ZNF471: variants seen among roughly 807,000 people sequenced by gnomAD.
The protein encoded by ZNF471 is EZFIT-related protein 1.
ZNF471 carries 7 observed loss-of-function variants against 13.7 expected under a neutral mutation model. That is an observed-to-expected ratio of 0.51 (90% CI 0.29 to 0.96). ZNF471 has a LOEUF of 0.96. Ranked by LOEUF, ZNF471 falls within the 40% of genes least tolerant of loss-of-function variation. ZNF471 has a pLI of 0.08. For synonymous variants in ZNF471, 218 were observed against 235.6 expected (o/e 0.93, Z 0.68); for missense variants, 663 against 743.3 (o/e 0.89, Z 1.26).
Position 56,525,943 on chromosome 19 carries a change from C to T in ZNF471, c.1876C>T (p.Pro626Ser), listed in dbSNP as rs757432674. ...CHQRSHTGEEP is the reference protein window; with the variant it reads ...CHQRSHTGEES Reference sequence around the variant, plus strand: ...TCAAAGAAGTCATACTGGAGAAGAACCTTAAGAATGTAGTGCATGTGGCCA... The same window carrying T: ...TCAAAGAAGTCATACTGGAGAAGAATCTTAAGAATGTAGTGCATGTGGCCA... Residue 626 changes from proline (P) to serine (S), a missense_variant, in exon 5 of 5, where the codon CCT (proline) becomes TCT (serine). Coordinates refer to ENST00000308031, the MANE Select transcript of ZNF471 (RefSeq NM_020813.4). The T allele has an allele frequency of 9.7e-6, 15 of 1,552,522 alleles. 2 individuals carry two copies. In the South Asian group the frequency reaches 1.8e-4, roughly 18 times the overall value.
In ZNF471 at chr19:56,510,573, G is replaced by A. The variant is rs1020203541; in HGVS notation, c.-55-944G>A. On this transcript the variant is annotated intron_variant, in intron 1 of 4. Transcript: ENST00000308031. The surrounding 1 kb of genome is among the most constrained non-coding windows in gnomAD (Gnocchi z 4.3). ...CTTATATTCATGTCCTCAGGCAATG[G>A]AAATGTGACTGTGTATATGTGCTTG... is the stretch of plus-strand genomic sequence containing the variant. The A allele has an allele frequency of 1.0e-6, 1 of 985,528 alleles. No individual in the cohort carries two copies. The allele number at this position is 985,528 out of a possible 1,614,324, so 61.0% of individuals were successfully genotyped here.
intron 1 of ZNF471, among the ~76,000 whole-genome samples, chr19:56,509,225 A>G (rs1314014386): frequency 6.6e-6 from 1 of 152,200 alleles, no homozygotes; most frequent in African/African-American, 2.4e-5. Context: ...TAAACTGATC[A>G]TCAGTGGTCA....
Position 56,510,606 on chromosome 19 carries a change from G to A in ZNF471, c.-55-911G>A. Reference sequence around the variant, plus strand: ...ACTGTGTATATGTGCTTGTTTTGGGGTGCTTGTGATTGTGTCCTCCGTGTG... The same window carrying A: ...ACTGTGTATATGTGCTTGTTTTGGGATGCTTGTGATTGTGTCCTCCGTGTG... On this transcript the variant is annotated intron_variant, in intron 1 of 4. Coordinates refer to ENST00000308031, the MANE Select transcript of ZNF471 (RefSeq NM_020813.4). This position sits in a 1 kb window ranked among gnomAD's most constrained non-coding sequence, Gnocchi z 4.3. The A allele has an allele frequency of 2.0e-6, 2 of 985,710 alleles. No individual in the cohort carries two copies. The highest frequency in any genetic ancestry group is 1.7e-5 in the African/African-American group (1 of 57,360). 61.1% of individuals were successfully genotyped at this position (985,710 alleles called of 1,614,324 possible).
Position 56,525,749 on chromosome 19 carries a change from A to G in ZNF471, c.1682A>G (p.His561Arg), listed in dbSNP as rs748132041. Residue 561 changes from histidine (H) to arginine (R), a missense_variant, in exon 5 of 5, where the codon CAT (histidine) becomes CGT (arginine). Physicochemically the swap from His to Arg is conservative, Grantham distance 29 (BLOSUM62 0). Transcript: ENST00000308031. ...AFSQTSNLTQ[H>R]QRIHTGEKPY... Reference sequence around the variant, plus strand: ...AGCCAAACTTCCAATCTTACTCAACATCAAAGAATTCATACTGGAGAGAAA... The same window carrying G: ...AGCCAAACTTCCAATCTTACTCAACGTCAAAGAATTCATACTGGAGAGAAA... The G allele has an allele frequency of 3.7e-6, 6 of 1,613,776 alleles. No individual in the cohort carries two copies. In the East Asian group the frequency reaches 8.9e-5, roughly 24 times the overall value.
At chr19:56,511,489 T>A in intron 1 of ZNF471, 28 bp from the exon 2 acceptor site, 1 of 1,561,582 alleles carries the variant, frequency 6.4e-7, no homozygotes, top group Non-Finnish European at 8.8e-7. Flanking sequence ...TCTGGCCTCA[T>A]CTCTCTCTAA....
At position 56,508,331 on chromosome 19, in the gene ZNF471, G is replaced by C. The variant is rs911611232; in HGVS notation, c.-56+411G>C. ...AGACGGGCCAGTGTGAGAGACCAGT[G>C]AGTGTGAGAGAGATAGGGATGTGCC... is the stretch of plus-strand genomic sequence containing the variant. On this transcript the variant is annotated intron_variant, in intron 1 of 4. Transcript: ENST00000308031. The surrounding 1 kb of genome is among the most constrained non-coding windows in gnomAD (Gnocchi z 4.7). 6.6e-6 allele frequency among the ~76,000 whole-genome samples: 1 copy of C among 152,046 alleles called. No homozygotes were observed. The highest frequency in any genetic ancestry group is 1.5e-5 in the Non-Finnish European group (1 of 67,982).
Position 56,525,119 on chromosome 19 carries a change from G to C in ZNF471, c.1052G>C (p.Cys351Ser), listed in dbSNP as rs148793942. 1.3e-3 allele frequency: 2,161 copies of C among 1,614,132 alleles called. 5 individuals are homozygous for C. The highest frequency in any genetic ancestry group is 1.7e-3 in the Non-Finnish European group (2,008 of 1,180,014). ...TGKRPYECIE[C>S]GKAFRYNTSF... Reference sequence around the variant, plus strand: ...AAAAGACCCTATGAATGTATTGAGTGTGGGAAGGCTTTTAGGTATAACACA... The same window carrying C: ...AAAAGACCCTATGAATGTATTGAGTCTGGGAAGGCTTTTAGGTATAACACA... Residue 351 changes from cysteine to serine, a missense_variant, in exon 5 of 5, where the codon TGT (cysteine) becomes TCT (serine). Transcript: ENST00000308031.
At position 56,511,537 on chromosome 19, in the gene ZNF471, G is replaced by A; in HGVS notation, c.-35G>A. The A allele has an allele frequency of 6.2e-7, 1 of 1,613,790 alleles. No homozygotes were observed. The highest frequency in any genetic ancestry group is 1.1e-5 in the South Asian group (1 of 91,016). ...TTCAGCCTTGCCCTCCCAAGACACT[G>A]TTCTTCAAGAGAAAGACCAGAAGAG... On this transcript the variant is annotated 5_prime_UTR_variant, in exon 2 of 5. Coordinates refer to ENST00000308031, the MANE Select transcript of ZNF471 (RefSeq NM_020813.4).
chr19:56,518,699 G>GA (rs2043927792), intron 4 of ZNF471, 122 bp downstream of exon 4: 1 of 705,470 alleles, frequency 1.4e-6, no homozygotes, highest in East Asian at 2.9e-5. Context: ...GGCCTGGAGA[G>GA]AAAACTGAAA....
intron 4 of ZNF471, among the ~76,000 whole-genome samples, chr19:56,523,317 A>G (rs908504019): frequency 2.0e-5 from 3 of 151,388 alleles, no homozygotes; most frequent in Admixed American, 2.0e-4. Flanking sequence ...AGCCATGATC[A>G]TGCCACTGCA....
At position 56,510,141 on chromosome 19, in the gene ZNF471, T is replaced by C. The variant is rs907941655; in HGVS notation, c.-55-1376T>C. On this transcript the variant is annotated intron_variant, in intron 1 of 4. Coordinates refer to ENST00000308031, the MANE Select transcript of ZNF471 (RefSeq NM_020813.4). This position sits in a 1 kb window ranked among gnomAD's most constrained non-coding sequence, Gnocchi z 4.3. ...AGGGTGTATCACAGTATGAAAAAGA[T>C]TGGAGTGAGAGTGACCAGTATGTAT... The C allele has an allele frequency of 2.0e-6, 2 of 985,414 alleles. No individual in the cohort carries two copies. The highest frequency in any genetic ancestry group is 1.7e-5 in the African/African-American group (1 of 57,292). The allele number at this position is 985,414 out of a possible 1,614,324, so 61.0% of individuals were successfully genotyped here.
In ZNF471 at chr19:56,522,596, T is replaced by C. The variant is rs1382709759; in HGVS notation, c.257-1728T>C. 6.6e-6 allele frequency among the ~76,000 whole-genome samples: 1 copy of C among 152,250 alleles called. No homozygotes were observed. The highest frequency in any genetic ancestry group is 2.4e-5 in the African/African-American group (1 of 41,468). On this transcript the variant is annotated intron_variant, in intron 4 of 4. Transcript: ENST00000308031. This position sits in a 1 kb window ranked among gnomAD's most constrained non-coding sequence, Gnocchi z 4.1. ...AGGAAAGCCCTTCCTTTGCCTTTTC[T>C]TGAAACCACCTTTTCCCTCAGGTTT...
rs1338028345 is a variant in ZNF471 at position 56,525,437 on chromosome 19, A to C, written c.1370A>C (p.Lys457Thr). ...CATCAAAGAGTACATTCTGGAGAGA[A>C]ACCGTATGAATGCAAGGAATGTGGG... ...TQHQRVHSGEKPYECKECGKA... is the reference protein window; with the variant it reads ...TQHQRVHSGETPYECKECGKA... Residue 457 changes from lysine (K) to threonine (T), a missense_variant, in exon 5 of 5, where the codon AAA (lysine) becomes ACA (threonine). By Grantham distance (78) the Lys-to-Thr change is moderately conservative. Coordinates refer to ENST00000308031, the MANE Select transcript of ZNF471 (RefSeq NM_020813.4). The C allele has an allele frequency of 3.1e-6, 5 of 1,614,044 alleles. No individual in the cohort carries two copies. The highest frequency in any genetic ancestry group is 4.2e-6 in the Non-Finnish European group (5 of 1,180,046).
Position 56,527,358 on chromosome 19 carries a change from A to G in ZNF471, c.*1410A>G, listed in dbSNP as rs1015714669. Reference sequence around the variant, plus strand: ...AAGACCAAAGGTAGATAAATTCACGAAGATGAGGAGAAACCAGTGCAAAAA... The same window carrying G: ...AAGACCAAAGGTAGATAAATTCACGGAGATGAGGAGAAACCAGTGCAAAAA... On this transcript the variant is annotated 3_prime_UTR_variant, in exon 5 of 5. Coordinates refer to ENST00000308031, the MANE Select transcript of ZNF471 (RefSeq NM_020813.4). 13 of 152,222 alleles carry G rather than the reference A, an allele frequency of 8.5e-5. No homozygotes were observed. The highest frequency in any genetic ancestry group is 3.1e-4 in the African/African-American group (13 of 41,446). 9.4% of individuals were successfully genotyped at this position (152,222 alleles called of 1,614,324 possible). A position where few individuals can be genotyped will look rare whatever the true frequency, so the allele number is the denominator to read the frequency against.
In ZNF471 at chr19:56,525,809, G is replaced by C; in HGVS notation, c.1742G>C (p.Ser581Thr). 1 of 1,614,210 alleles carries C rather than the reference G, an allele frequency of 6.2e-7. No individual in the cohort carries two copies. Among genetic ancestry groups the C allele is most frequent in the Middle Eastern group, 1.6e-4 (1 of 6,062 alleles). ...TGTACTGAATGTGGAAAGGCTTTTAGTGATAGCTCATCCTGTGCTCAGCAT... is the reference window on the plus strand; with the variant it reads ...TGTACTGAATGTGGAAAGGCTTTTACTGATAGCTCATCCTGTGCTCAGCAT... ...YKCTECGKAF[S>T]DSSSCAQHQR... Residue 581 changes from serine (S) to threonine (T), a missense_variant, in exon 5 of 5, where the codon AGT (serine) becomes ACT (threonine). Ser to Thr is a moderately conservative substitution (Grantham distance 58). Coordinates refer to ENST00000308031, the MANE Select transcript of ZNF471 (RefSeq NM_020813.4).
chr19:56,518,389 T>C (rs2043923004), intron 3 of ZNF471, 93 bp from the exon 4 acceptor site: 2 of 913,926 alleles, frequency 2.2e-6, no homozygotes, highest in Non-Finnish European at 3.4e-6. Context: ...CTAGTATTCC[T>C]ACTATATCAT....
chr19:56,526,383 TC>T lies in ZNF471; in HGVS notation c.*440del, dbSNP rs35546455. 0.44 allele frequency: 68,618 copies of T among 155,848 alleles called. 15,401 individuals are homozygous for T. The highest frequency in any genetic ancestry group is 0.51 in the Middle Eastern group (155 of 304). 9.7% of individuals were successfully genotyped at this position (155,848 alleles called of 1,614,324 possible). ...TCTTCGCAACCCACAGACCAGGAGATCCCCCTTGGGTGCCTATGCCACCAAG... is the reference window on the plus strand; with the variant it reads ...TCTTCGCAACCCACAGACCAGGAGATCCCCTTGGGTGCCTATGCCACCAAG... On this transcript the variant is annotated 3_prime_UTR_variant, in exon 5 of 5. Coordinates refer to ENST00000308031, the MANE Select transcript of ZNF471 (RefSeq NM_020813.4).
Position 56,508,388 on chromosome 19 carries a change from G to A in ZNF471, c.-56+468G>A, listed in dbSNP as rs1281068475. On this transcript the variant is annotated intron_variant, in intron 1 of 4. Transcript: ENST00000308031. This position sits in a 1 kb window ranked among gnomAD's most constrained non-coding sequence, Gnocchi z 4.7. ...TGAAAGAGAGCGTGTGAAGCTCAGT[G>A]AGAGGTTGCGAGGTGTGTGGGTGTG... Among the ~76,000 whole-genome samples, 1 of 151,612 alleles carries A rather than the reference G, an allele frequency of 6.6e-6. No homozygotes were observed. Among genetic ancestry groups the A allele is most frequent in the Admixed American group, 6.6e-5 (1 of 15,244 alleles).
chr19:56,521,638 C>CAG (rs2043973264), intron 4 of ZNF471, among the ~76,000 whole-genome samples: 1 of 82,102 alleles, frequency 1.2e-5, no homozygotes, highest in South Asian at 4.7e-4. Flanking sequence ...GACTCTGTCT[C>CAG]AAAAAAAAAA....
Sources: allele counts gnomAD v4.1 joint callset (sites outside exome capture counted in the v4.1 genomes callset), GRCh38; gene constraint gnomAD v4.1.1; non-coding constraint Gnocchi (gnomAD v3.1); transcripts MANE v1.5; gene names NCBI Gene and HGNC (gene_info 2026-07-23, HGNC 2026-07-21).